The following HORMAD2 variants were observed in gnomAD, a reference collection of about 807,000 sequenced individuals.
HORMAD2 encodes HORMA domain containing 2, also known as HORMA domain-containing protein 2.
HORMAD2 carries 45 observed loss-of-function variants against 38.8 expected under a neutral mutation model. That is an observed-to-expected ratio of 1.16 (90% confidence interval 0.91 to 1.49). The LOEUF is 1.49. HORMAD2 is among the 40% of genes most tolerant of loss of function. The probability of loss-of-function intolerance (pLI) is 0.00; values close to 1 mark genes in which losing one functional copy is unlikely to be tolerated. For missense variants in HORMAD2, 338 were observed against 367.0 expected, an observed-to-expected ratio of 0.92 and a Z score of 0.65; for synonymous variants, 126 against 122.8, an observed-to-expected ratio of 1.03 and a Z score of -0.17.
the HORMAD2 span, chr22:30,184,819 C>T: frequency 6.6e-6 from 1 of 152,144 alleles, no homozygotes; most frequent in Non-Finnish European, 1.5e-5. Context: ...AAGATAACAG[C>T]AGGTTAAGTG....
At chr22:30,133,738 A>G (rs879027050) in intron 10 of HORMAD2, among the ~76,000 whole-genome samples, 5 of 152,090 alleles carry the variant, frequency 3.3e-5, no homozygotes, top group Admixed American at 6.6e-5. Context: ...GTATAACTAC[A>G]TAGCATTTAT....
chr22:30,204,719 G>A, the HORMAD2 span, among the ~76,000 whole-genome samples: 2 of 152,198 alleles, frequency 1.3e-5, no homozygotes, highest in Admixed American at 1.3e-4. Context: ...TGGGAAAGAC[G>A]TTGTTTTTCA....
Position 30,103,497 on chromosome 22 carries a change from G to C in HORMAD2, c.254G>C (p.Arg85Thr). The change falls in exon 4 of 11, where the codon AGA becomes ACA. Residue 85 changes from arginine to threonine, a missense_variant. By Grantham distance (71) the Arg-to-Thr change is moderately conservative. Coordinates refer to ENST00000336726, the MANE Select transcript of HORMAD2 (RefSeq NM_152510.4). ...KKCPGSLHII[R>T]WIQGCFDALE... ...TGTCCCGGGTCACTGCATATTATCA[G>C]ATGGTAAGTAATAGAAATTCTATAA... The C allele has an allele frequency of 2.0e-6, 3 of 1,476,102 alleles. No individual in the cohort carries two copies. The highest frequency in any genetic ancestry group is 2.8e-6 in the Non-Finnish European group (3 of 1,078,688). 91.4% of individuals were successfully genotyped at this position (1,476,102 alleles called of 1,614,324 possible).
intron 10 of HORMAD2, among the ~76,000 whole-genome samples, chr22:30,133,157 G>C (rs571084161): frequency 1.3e-5 from 2 of 152,126 alleles, no homozygotes; most frequent in Non-Finnish European, 2.9e-5. Flanking sequence ...AAAGTATAAT[G>C]ATAATGTTAC....
intron 10 of HORMAD2, among the ~76,000 whole-genome samples, chr22:30,133,975 T>A (rs143824571): frequency 6.6e-6 from 1 of 152,178 alleles, no homozygotes. Flanking sequence ...GTGTGCTTTT[T>A]TTCTGCCCAA....
intron 10 of HORMAD2, among the ~76,000 whole-genome samples, chr22:30,132,353 G>A (rs916295378): frequency 1.3e-5 from 2 of 152,058 alleles, no homozygotes; most frequent in African/African-American, 2.4e-5. Context: ...AGGCCAAGGC[G>A]GGAGGATCAC....
At position 30,142,585 on chromosome 22, in the gene HORMAD2, G is replaced by A. The variant is rs1265380708; in HGVS notation, c.819+20371G>A. 3.3e-5 allele frequency among the ~76,000 whole-genome samples: 5 copies of A among 151,964 alleles called. No homozygotes were observed. In the East Asian group the frequency reaches 7.7e-4, roughly 23 times the overall value. On this transcript the variant is annotated intron_variant, in intron 10 of 10. Transcript: ENST00000336726. ...TATATTTATTTTATTTTATTGACAG[G>A]TTGATCCTTTTATTATCCCCAAATG...
At chr22:30,193,512 T>A in the HORMAD2 span, among the ~76,000 whole-genome samples, 114 of 152,312 alleles carry the variant, frequency 7.5e-4, no homozygotes, top group African/African-American at 2.6e-3. Flanking sequence ...AGAAGGGACC[T>A]GCATTTCATG....
chr22:30,204,679 G>GT, the HORMAD2 span, among the ~76,000 whole-genome samples: 1 of 152,230 alleles, frequency 6.6e-6, no homozygotes, highest in African/African-American at 2.4e-5. Flanking sequence ...TAATGAGAAG[G>GT]GAACTGTGGT....
At chr22:30,192,921 C>G in the HORMAD2 span, among the ~76,000 whole-genome samples, 3,760 of 152,236 alleles carry the variant, frequency 0.025, 85 homozygotes, top group East Asian at 0.063. Flanking sequence ...ATTTTTCCAT[C>G]TTCATTATTG....
chr22:30,135,707 T>C (rs558515220), intron 10 of HORMAD2, among the ~76,000 whole-genome samples: 2 of 152,260 alleles, frequency 1.3e-5, no homozygotes, highest in South Asian at 4.1e-4. Flanking sequence ...GAACATTCAA[T>C]AGAGACTCCA....
upstream of HORMAD2, chr22:30,079,995 A>C (rs1228246236): frequency 6.6e-6 from 1 of 151,582 alleles, no homozygotes; most frequent in African/African-American, 2.4e-5. Context: ...GCCTTCTTCT[A>C]ACTCGGGTCC....
chr22:30,081,637 G>C (rs538231583), intron 1 of HORMAD2, among the ~76,000 whole-genome samples: 1 of 151,792 alleles, frequency 6.6e-6, no homozygotes, highest in East Asian at 1.9e-4. Context: ...GTGCAGTGAC[G>C]CAATCTCAGC....
In HORMAD2 at chr22:30,084,641, T is replaced by A. The variant is rs185930524; in HGVS notation, c.-38+4150T>A. Among the ~76,000 whole-genome samples the A allele has an allele frequency of 3.3e-3, 505 of 152,202 alleles. 1 individual carries two copies. Among genetic ancestry groups the A allele is most frequent in the African/African-American group, 0.012 (480 of 41,552 alleles). ...GTTAAGTTAGGTTTTTAATTTTTTT[T>A]ATTTTTTACTTATTTATTTATTTTT... On this transcript the variant is annotated intron_variant, in intron 1 of 10. Coordinates refer to ENST00000336726, the MANE Select transcript of HORMAD2 (RefSeq NM_152510.4).
chr22:30,101,610 G>C (rs2146088133), intron 3 of HORMAD2, among the ~76,000 whole-genome samples: 1 of 151,524 alleles, frequency 6.6e-6, no homozygotes, highest in South Asian at 2.1e-4. Flanking sequence ...AAGCTGGATT[G>C]TGAATCTTGT....
chr22:30,137,572 A>C (rs1923755544), intron 10 of HORMAD2: 1 of 154,352 alleles, frequency 6.5e-6, no homozygotes, highest in Non-Finnish European at 1.4e-5. Flanking sequence ...AAAAAATGAA[A>C]GAAAGAAAAG....
intron 1 of HORMAD2, among the ~76,000 whole-genome samples, chr22:30,088,231 A>ATACACATATATACATATG (rs1417382033): frequency 6.7e-6 from 1 of 150,312 alleles, no homozygotes; most frequent in African/African-American, 2.4e-5. Flanking sequence ...ATATACATAT[A>ATACACATATATACATATG]TACACACATA....
At chr22:30,137,014 A>G (rs1923711025) in intron 10 of HORMAD2, 1 of 455,270 alleles carries the variant, frequency 2.2e-6, no homozygotes, top group Non-Finnish European at 4.0e-6. Flanking sequence ...GAAGTCTTCC[A>G]TGTGTAATTG....
At chr22:30,094,724 G>A (rs2068751872) in intron 2 of HORMAD2, among the ~76,000 whole-genome samples, 1 of 152,194 alleles carries the variant, frequency 6.6e-6, no homozygotes, top group Admixed American at 6.5e-5. Flanking sequence ...AAAGAGGTAA[G>A]ACTGAAGGTG....
Sources: allele counts gnomAD v4.1 joint callset (sites outside exome capture counted in the v4.1 genomes callset), GRCh38; gene constraint gnomAD v4.1.1; transcripts MANE v1.5; gene names NCBI Gene and HGNC (gene_info 2026-07-23, HGNC 2026-07-21).